CCZ1: variants seen among roughly 807,000 people sequenced by gnomAD.
CCZ1 encodes the protein CCZ1 vacuolar protein trafficking and biogenesis associated, also known as vacuolar fusion protein CCZ1 homolog.
Under a neutral mutation model 57.8 loss-of-function variants are expected in CCZ1, and 19 were observed. That is an observed-to-expected ratio of 0.33 (90% CI 0.23 to 0.48). The LOEUF (loss-of-function observed/expected upper bound fraction) is 0.48, where lower values mean the gene tolerates loss of function less well. CCZ1 is among the 20% of genes least tolerant of loss of function. CCZ1 has a pLI of 0.99. For synonymous variants in CCZ1, 81 were observed against 167.0 expected (o/e 0.49, Z 3.97); for missense variants, 200 against 492.0 (o/e 0.41, Z 5.61).
At chr7:5,907,104 G>A (rs955404470) in intron 7 of CCZ1, among the ~76,000 whole-genome samples, 8 of 149,400 alleles carry the variant, frequency 5.4e-5, no homozygotes, top group Middle Eastern at 3.4e-3. Context: ...CAAAGGATCC[G>A]CCCACCTTGG....
In CCZ1 at chr7:5,901,712, T is replaced by C. The variant is rs147443489; in HGVS notation, c.438+8T>C. On this transcript the variant is annotated splice_region_variant and intron_variant, in intron 5 of 14. Transcript: ENST00000325974. ...TGCTACAGCATGTACAAGGTAAGCG[T>C]GGCGTTCTTTCTCAACTCAGAGTCC... 131,765 of 1,592,748 alleles carry C rather than the reference T, an allele frequency of 0.083. 5,083 individuals are homozygous for C. Among genetic ancestry groups the C allele is most frequent in the African/African-American group, 0.16 (11,779 of 71,918 alleles).
intron 10 of CCZ1, among the ~76,000 whole-genome samples, chr7:5,914,749 G>A (rs554598421): frequency 6.1e-5 from 9 of 147,558 alleles, no homozygotes; most frequent in South Asian, 2.3e-4. Flanking sequence ...GGTGGCACAC[G>A]CCTCTAATCC....
chr7:5,925,949 T>G lies in CCZ1; in HGVS notation c.*262T>G. On this transcript the variant is annotated 3_prime_UTR_variant, in exon 15 of 15. Transcript: ENST00000325974. ...TGAATATTTTACTGGAAAATAAGAC[T>G]AATAAATTGTTAAAAGTTTTTAAAA... is the stretch of plus-strand genomic sequence containing the variant. The G allele has an allele frequency of 1.6e-6, 1 of 636,030 alleles. No homozygotes were observed. The highest frequency in any genetic ancestry group is 2.8e-6 in the Non-Finnish European group (1 of 362,450). The allele number at this position is 636,030 out of a possible 1,614,324, so 39.4% of individuals were successfully genotyped here.
chr7:5,903,390 G>A (rs1198396579), intron 6 of CCZ1, among the ~76,000 whole-genome samples: 25 of 145,826 alleles, frequency 1.7e-4, no homozygotes, highest in African/African-American at 5.6e-4. Flanking sequence ...AAGTGCTGGG[G>A]TTAAAGGCAT....
chr7:5,900,290 A>G lies in CCZ1; in HGVS notation c.127A>G (p.Asn43Asp). Residue 43 changes from asparagine (N) to aspartate (D), a missense_variant, in exon 2 of 15, where the codon AAT becomes GAT. Coordinates refer to ENST00000325974, the MANE Select transcript of CCZ1 (RefSeq NM_015622.6). ...RFGPREGQEE[N>D]KILFYHPNEV... ...CTGTTTCCTCATGTTTCAGGAGGAA[A>G]ATAAGATTTTATTTTATCATCCAAA... The G allele has an allele frequency of 6.6e-7, 1 of 1,515,152 alleles. No individual in the cohort carries two copies. The highest frequency in any genetic ancestry group is 1.4e-5 in the African/African-American group (1 of 70,430). 93.9% of individuals were successfully genotyped at this position (1,515,152 alleles called of 1,614,324 possible).
rs1048273880 is a variant in CCZ1, at chr7:5,911,926, G to C, written c.842+4G>C. 10 of 1,574,964 alleles carry C rather than the reference G, an allele frequency of 6.3e-6. 1 individual carries two copies. Among genetic ancestry groups the C allele is most frequent in the Middle Eastern group, 1.7e-4 (1 of 5,824 alleles). On this transcript the variant is annotated splice_donor_region_variant and intron_variant, in intron 9 of 14. Coordinates refer to ENST00000325974, the MANE Select transcript of CCZ1 (RefSeq NM_015622.6). ...GAAATCTTCAACACTATGGAAGGTA[G>C]GACTTCTGTTCTTTGATTTATGATA...
At chr7:5,909,993 A>C in intron 7 of CCZ1, 42 bp from the exon 8 acceptor site, 1 of 1,570,232 alleles carries the variant, frequency 6.4e-7, no homozygotes, top group Non-Finnish European at 8.7e-7. Flanking sequence ...AAGACAGAAG[A>C]CAGTTCCAAA....
In CCZ1 at chr7:5,911,365, A is replaced by G. The variant is rs1583187407; in HGVS notation, c.781-496A>G. Among the ~76,000 whole-genome samples the G allele has an allele frequency of 1.3e-5, 2 of 148,808 alleles. 1 individual carries two copies. On this transcript the variant is annotated intron_variant, in intron 8 of 14. Coordinates refer to ENST00000325974, the MANE Select transcript of CCZ1 (RefSeq NM_015622.6). ...GTTTTTTTTTAAGAGACGAGGTCTCACTTTGTTGACTCGCATGGTCTCAAA... is the reference window on the plus strand; with the variant it reads ...GTTTTTTTTTAAGAGACGAGGTCTCGCTTTGTTGACTCGCATGGTCTCAAA...
chr7:5,901,725 C>G, intron 5 of CCZ1, 21 bp downstream of exon 5: 2 of 1,597,952 alleles, frequency 1.3e-6, no homozygotes, highest in African/African-American at 1.4e-5. Flanking sequence ...CGTTCTTTCT[C>G]AACTCAGAGT....
Position 5,911,750 on chromosome 7 carries a change from A to T in CCZ1, c.781-111A>T, listed in dbSNP as rs7807460. The T allele has an allele frequency of 2.2e-3, 2,544 of 1,147,068 alleles. 12 individuals carry two copies. In the African/African-American group the frequency reaches 0.035, roughly 16 times the overall value. 71.1% of individuals were successfully genotyped at this position (1,147,068 alleles called of 1,614,324 possible). A position where few individuals can be genotyped will look rare whatever the true frequency, so the allele number is the denominator to read the frequency against. On this transcript the variant is annotated intron_variant, in intron 8 of 14. Coordinates refer to ENST00000325974, the MANE Select transcript of CCZ1 (RefSeq NM_015622.6). Reference sequence around the variant, plus strand: ...CAACAGAACAAGATCCTGTCTCTAAAAGAAAAAGACAAATGGCATGGAACC... The same window carrying T: ...CAACAGAACAAGATCCTGTCTCTAATAGAAAAAGACAAATGGCATGGAACC...
At chr7:5,910,260 A>G (rs1004470928) in intron 8 of CCZ1, 144 bp downstream of exon 8, 10 of 681,384 alleles carry the variant, frequency 1.5e-5, no homozygotes, top group Non-Finnish European at 2.2e-5. Context: ...ACTGTATATC[A>G]ATTAGCACAG....
At position 5,907,464 on chromosome 7, in the gene CCZ1, G is replaced by A. The variant is rs1224442065; in HGVS notation, c.698+2195G>A. On this transcript the variant is annotated intron_variant, in intron 7 of 14. Coordinates refer to ENST00000325974, the MANE Select transcript of CCZ1 (RefSeq NM_015622.6). ...GGCCTTGCTTCCACCAAAAAGAGAA[G>A]GGTAGCTGAGATTCTGATCTCTGGG... is the stretch of plus-strand genomic sequence containing the variant. Among the ~76,000 whole-genome samples, 3 of 148,548 alleles carry A rather than the reference G, an allele frequency of 2.0e-5. 1 individual carries two copies. The East Asian group carries it at 6.8e-4, about 34-fold the overall frequency.
chr7:5,912,844 T>C lies in CCZ1; in HGVS notation c.844T>C (p.Phe282Leu), dbSNP rs1293346869. The C allele has an allele frequency of 6.8e-7, 1 of 1,463,996 alleles. No homozygotes were observed. The highest frequency in any genetic ancestry group is 9.5e-7 in the Non-Finnish European group (1 of 1,047,446). The allele number at this position is 1,463,996 out of a possible 1,614,324, so 90.7% of individuals were successfully genotyped here. A position where few individuals can be genotyped will look rare whatever the true frequency, so the allele number is the denominator to read the frequency against. Residue 282 changes from phenylalanine to leucine, a missense_variant and splice_region_variant, in exon 10 of 15, where the codon TTT (phenylalanine) becomes CTT (leucine). Phe to Leu is a conservative substitution (Grantham distance 22). This residue lies in a region of CCZ1 where 128 missense variants were observed against 178.4 expected (regional missense o/e 0.72). Coordinates refer to ENST00000325974, the MANE Select transcript of CCZ1 (RefSeq NM_015622.6). ...GTCATGTCTGTTCTTGCTTTTAAGA[T>C]TTCTTACCGGACCCTTGAACCTCAA... The part of the protein sequence containing the change: ...MPGNLQHYGR[F>L]LTGPLNLNDP...
At chr7:5,908,178 C>T (rs1475332636) in intron 7 of CCZ1, among the ~76,000 whole-genome samples, 1 of 143,860 alleles carries the variant, frequency 7.0e-6, no homozygotes. Context: ...ACCAAAAAGA[C>T]TTTTAAGCCA....
intron 14 of CCZ1, among the ~76,000 whole-genome samples, chr7:5,924,401 A>C (rs1583195469): frequency 1.1e-5 from 1 of 91,036 alleles, no homozygotes; most frequent in East Asian, 2.2e-4. Context: ...CACCAGACCC[A>C]GCTAATTTCT....
chr7:5,903,655 A>G (rs1041769100), intron 6 of CCZ1, among the ~76,000 whole-genome samples: 1 of 143,220 alleles, frequency 7.0e-6, no homozygotes, highest in African/African-American at 2.7e-5. Flanking sequence ...TATGGATAGA[A>G]CTGTTGTCCT....
chr7:5,907,215 C>G lies in CCZ1; in HGVS notation c.698+1946C>G, dbSNP rs577642643. Among the ~76,000 whole-genome samples, 26 of 149,710 alleles carry G rather than the reference C, an allele frequency of 1.7e-4. 1 individual carries two copies. The South Asian group carries it at 2.2e-3, about 12-fold the overall frequency. On this transcript the variant is annotated intron_variant, in intron 7 of 14. Coordinates refer to ENST00000325974, the MANE Select transcript of CCZ1 (RefSeq NM_015622.6). ...ATCAGGCAACCTTACACTGTACTGA[C>G]TCAGCTATAGTTGCTTTCTGTGATA...
chr7:5,899,466 A>G (rs1159448749), intron 1 of CCZ1, among the ~76,000 whole-genome samples: 1 of 141,260 alleles, frequency 7.1e-6, no homozygotes, highest in African/African-American at 2.6e-5. Context: ...CTTCTGTTAA[A>G]GACTGTCCAG....
At chr7:5,909,439 CAT>C (rs1478617257) in intron 7 of CCZ1, among the ~76,000 whole-genome samples, 1 of 150,370 alleles carries the variant, frequency 6.7e-6, no homozygotes, top group African/African-American at 2.5e-5. Flanking sequence ...CAGTGGCTCA[CAT>C]ATGTAATCCC....
Sources: gnomAD v4.1 joint callset for allele counts (sites outside exome capture counted in the v4.1 genomes callset) on GRCh38, gnomAD v4.1.1 for gene constraint, gnomAD v4.1.1 regional missense constraint, MANE v1.5 for transcripts, NCBI Gene and HGNC (gene_info 2026-07-23, HGNC 2026-07-21) for gene names.